KDM1A: variants seen among roughly 807,000 people sequenced by gnomAD.
The protein encoded by KDM1A is lysine-specific histone demethylase 1A.
KDM1A carries 49 observed loss-of-function variants against 109.4 expected under a neutral mutation model. The ratio of observed to expected loss-of-function variants is 0.45; its 90% CI spans 0.36 to 0.57. KDM1A has a LOEUF of 0.57. Ranked by LOEUF, KDM1A falls within the 20% of genes least tolerant of loss-of-function variation. The pLI is 0.00. For missense variants in KDM1A, 668 were observed against 1,116.6 expected (o/e 0.60, Z 5.73); for synonymous variants, 380 against 415.4 (o/e 0.91, Z 1.04).
intron 18 of KDM1A, among the ~76,000 whole-genome samples, chr1:23,080,256 C>T (rs1159482563): frequency 6.6e-6 from 1 of 152,152 alleles, no homozygotes; most frequent in African/African-American, 2.4e-5. Context: ...GGTGAATGGT[C>T]TTTCACACCC....
At chr1:23,040,556 A>C (rs2124414598) in intron 2 of KDM1A, among the ~76,000 whole-genome samples, 1 of 151,868 alleles carries the variant, frequency 6.6e-6, no homozygotes, top group East Asian at 1.9e-4. Flanking sequence ...TGTTGCTTTG[A>C]GAGGCTGAAG....
intron 8 of KDM1A, 137 bp from the exon 9 acceptor site, chr1:23,058,936 G>C (rs1347761385): frequency 2.0e-6 from 1 of 488,888 alleles, no homozygotes; most frequent in African/African-American, 2.1e-5. Context: ...TACTTAGAGT[G>C]CTTTTTTTTT....
chr1:23,081,999 T>TCGAA, intron 19 of KDM1A: 1 of 358,914 alleles, frequency 2.8e-6, no homozygotes, highest in East Asian at 4.3e-5. Context: ...GATCTCTGGA[T>TCGAA]TCATAGACAG....
intron 2 of KDM1A, among the ~76,000 whole-genome samples, chr1:23,038,111 T>G (rs1292618270): frequency 3.3e-5 from 5 of 152,212 alleles, no homozygotes; most frequent in African/African-American, 1.2e-4. Context: ...GGTGGATTGG[T>G]GTTTTATTTA....
chr1:23,047,826 G>A (rs1642545093), intron 3 of KDM1A, among the ~76,000 whole-genome samples: 1 of 151,960 alleles, frequency 6.6e-6, no homozygotes, highest in Admixed American at 6.6e-5. Context: ...GAGCTCAGGA[G>A]GTGAAGGTTG....
intron 8 of KDM1A, 22 bp downstream of exon 8, chr1:23,057,587 C>CTA (rs1344933128): frequency 6.5e-7 from 1 of 1,540,052 alleles, no homozygotes; most frequent in East Asian, 2.2e-5. Context: ...TTGGTTTGTG[C>CTA]TATATAGTAC....
In KDM1A at chr1:23,035,103, T is replaced by C. The variant is rs1642103101; in HGVS notation, c.517+4469T>C. Among the ~76,000 whole-genome samples, 4 of 152,214 alleles carry C rather than the reference T, an allele frequency of 2.6e-5. No individual in the cohort carries two copies. The South Asian group carries it at 8.3e-4, about 31-fold the overall frequency. On this transcript the variant is annotated intron_variant, in intron 2 of 20. Transcript: ENST00000400181. ...GGGAAGAATCACTTTATCTCCTTGT[T>C]TATATTCTTATTTGTACCAGAGGAA...
chr1:23,083,608 A>C lies in KDM1A; in HGVS notation c.*244A>C, dbSNP rs1216939471. 2.7e-6 allele frequency: 1 copy of C among 371,856 alleles called. No homozygotes were observed. Among genetic ancestry groups the C allele is most frequent in the Non-Finnish European group, 4.8e-6 (1 of 206,274 alleles). 23.0% of individuals were successfully genotyped at this position (371,856 alleles called of 1,614,324 possible). A position where few individuals can be genotyped will look rare whatever the true frequency, so the allele number is the denominator to read the frequency against. On this transcript the variant is annotated 3_prime_UTR_variant, in exon 21 of 21. Coordinates refer to ENST00000400181, the MANE Select transcript of KDM1A (RefSeq NM_001009999.3). ...AAGACTGAGGCAAGCAAGTGCTGTG[A>C]AATAACATCATCTTAGTCCCTTGGT...
chr1:23,044,179 G>C (rs1642435330), intron 2 of KDM1A: 1 of 396,174 alleles, frequency 2.5e-6, no homozygotes, highest in African/African-American at 2.1e-5. Flanking sequence ...TTAGTGATTA[G>C]AAATACTATG....
In KDM1A at chr1:23,081,498, C is replaced by T. The variant is rs963949075; in HGVS notation, c.2223C>T (p.Asn741=). Reference sequence around the variant, plus strand: ...GAGAAGCTGCTGGTATCATGGAAAACATAAGTGACGATGTGATTGTTGGCC... The same window carrying T: ...GAGAAGCTGCTGGTATCATGGAAAATATAAGTGACGATGTGATTGTTGGCC... ...VAGEAAGIME[N]ISDDVIVGRC... is the part of the protein sequence containing the mutation. Residue 741 remains asparagine (N), a synonymous_variant, in exon 19 of 21, where the codon AAC becomes AAT. Coordinates refer to ENST00000400181, the MANE Select transcript of KDM1A (RefSeq NM_001009999.3). 1 of 1,614,042 alleles carries T rather than the reference C, an allele frequency of 6.2e-7. No individual in the cohort carries two copies. Among genetic ancestry groups the T allele is most frequent in the East Asian group, 2.2e-5 (1 of 44,892 alleles).
intron 4 of KDM1A, 68 bp downstream of exon 4, chr1:23,050,588 G>A (rs1642638375): frequency 3.2e-6 from 4 of 1,266,776 alleles, no homozygotes; most frequent in South Asian, 2.0e-5. Context: ...AGAGAATATG[G>A]GAAAAATAAA....
At chr1:23,057,601 G>T (rs1167692920) in intron 8 of KDM1A, 36 bp downstream of exon 8, 4 of 1,448,990 alleles carry the variant, frequency 2.8e-6, no homozygotes, top group African/African-American at 1.4e-5. Flanking sequence ...ATAGTACATG[G>T]TCTAAGACTC....
At chr1:23,081,619 AC>A (rs1557604398) in intron 19 of KDM1A, 46 bp downstream of exon 19, 5 of 1,607,342 alleles carry the variant, frequency 3.1e-6, no homozygotes, top group Non-Finnish European at 4.3e-6. Flanking sequence ...TTCAGACTCA[AC>A]CAGGGTTTAA....
chr1:23,073,146 T>A, intron 14 of KDM1A, 146 bp from the exon 15 acceptor site: 1 of 557,878 alleles, frequency 1.8e-6, no homozygotes, highest in South Asian at 2.7e-5. Flanking sequence ...ATAAGACAGA[T>A]AAGATGCTAC....
chr1:23,079,252 G>A lies in KDM1A; in HGVS notation c.2055+75G>A. 3 of 1,484,918 alleles carry A rather than the reference G, an allele frequency of 2.0e-6. No homozygotes were observed. The highest frequency in any genetic ancestry group is 1.4e-5 in the African/African-American group (1 of 71,650). The allele number at this position is 1,484,918 out of a possible 1,614,324, so 92.0% of individuals were successfully genotyped here. Reference sequence around the variant, plus strand: ...GTCTTCGTTGTTTACTTGGTGAGGAGGTGGCCTTGCATTTTTGGGCATTTG... The same window carrying A: ...GTCTTCGTTGTTTACTTGGTGAGGAAGTGGCCTTGCATTTTTGGGCATTTG... On this transcript the variant is annotated intron_variant, in intron 17 of 20. Coordinates refer to ENST00000400181, the MANE Select transcript of KDM1A (RefSeq NM_001009999.3). The surrounding 1 kb of genome is among the most constrained non-coding windows in gnomAD (Gnocchi z 5.6).
chr1:23,078,585 T>G (rs1156754608), intron 16 of KDM1A, among the ~76,000 whole-genome samples: 1 of 152,192 alleles, frequency 6.6e-6, no homozygotes, highest in Non-Finnish European at 1.5e-5. Context: ...GTAGCATTCT[T>G]CTGTTGGTCG....
At chr1:23,026,248 GAA>G (rs1310549539) in intron 1 of KDM1A, among the ~76,000 whole-genome samples, 1 of 152,098 alleles carries the variant, frequency 6.6e-6, no homozygotes, top group Non-Finnish European at 1.5e-5. Context: ...ATAAAAGGGA[GAA>G]AGTTTTTTTT....
At chr1:23,073,180 A>G (rs1404231001) in intron 14 of KDM1A, 112 bp from the exon 15 acceptor site, 1 of 613,876 alleles carries the variant, frequency 1.6e-6, no homozygotes, top group Non-Finnish European at 2.9e-6. Context: ...ATTTCTTCAT[A>G]TAAGGCACAG....
intron 15 of KDM1A, among the ~76,000 whole-genome samples, chr1:23,075,895 C>T (rs1302921069): frequency 6.6e-6 from 1 of 150,876 alleles, no homozygotes; most frequent in East Asian, 2.0e-4. Context: ...TGCAGTGAGC[C>T]GAGATCACGC....
Sources: allele counts gnomAD v4.1 joint callset (sites outside exome capture counted in the v4.1 genomes callset), GRCh38; gene constraint gnomAD v4.1.1; non-coding constraint Gnocchi (gnomAD v3.1); transcripts MANE v1.5; gene names NCBI Gene and HGNC (gene_info 2026-07-23, HGNC 2026-07-21).